Variants in RALGAPA1 observed in about 807,000 individuals in gnomAD.
RALGAPA1 encodes ral GTPase-activating protein subunit alpha-1.
In RALGAPA1, 52 loss-of-function variants were observed where a neutral mutation model predicts 269.6. The ratio of observed to expected loss-of-function variants is 0.19; its 90% CI spans 0.15 to 0.24. The LOEUF (loss-of-function observed/expected upper bound fraction) is 0.24, where lower values mean the gene tolerates loss of function less well. Among genes scored for constraint, RALGAPA1 ranks in the 10% least tolerant of loss-of-function variants. RALGAPA1 has a pLI of 1.00. For missense variants in RALGAPA1, 1,917 were observed against 3,013.9 expected (o/e 0.64, Z 8.52); for synonymous variants, 817 against 1,008.3 (o/e 0.81, Z 3.60).
intron 37 of RALGAPA1, among the ~76,000 whole-genome samples, chr14:35,588,211 G>C (rs1309320802): frequency 6.6e-6 from 1 of 152,230 alleles, no homozygotes; most frequent in Admixed American, 6.5e-5. Context: ...TTACAGGCGT[G>C]AGCCATCGCT....
rs186217235 is a variant in RALGAPA1 at position 35,726,280 on chromosome 14, T to C, written c.1737-1127A>G. Among the ~76,000 whole-genome samples the C allele has an allele frequency of 1.7e-3, 258 of 152,326 alleles. 1 individual carries two copies. Among genetic ancestry groups the C allele is most frequent in the Non-Finnish European group, 2.4e-3 (161 of 68,026 alleles). On this transcript the variant is annotated intron_variant, in intron 13 of 41. Transcript: ENST00000680220. ...ATTAGCAAACAAATGCATGCATTTATTCACGGAATAAAAATCAAAGGTGCC... is the reference window on the plus strand; with the variant it reads ...ATTAGCAAACAAATGCATGCATTTACTCACGGAATAAAAATCAAAGGTGCC...
At chr14:35,624,646 C>T (rs1028674587) in intron 35 of RALGAPA1, among the ~76,000 whole-genome samples, 2 of 151,662 alleles carry the variant, frequency 1.3e-5, no homozygotes, top group African/African-American at 4.8e-5. Context: ...AACGATGGCT[C>T]AATACAGAAA....
intron 28 of RALGAPA1, among the ~76,000 whole-genome samples, chr14:35,656,359 T>C (rs1178582706): frequency 6.6e-6 from 1 of 152,222 alleles, no homozygotes. Context: ...CTACAAATTG[T>C]TTTAAAACAA....
intron 16 of RALGAPA1, among the ~76,000 whole-genome samples, chr14:35,701,881 T>C (rs1422755314): frequency 5.3e-5 from 8 of 152,088 alleles, no homozygotes; most frequent in Non-Finnish European, 1.0e-4. Flanking sequence ...ACTCCTGTGC[T>C]CAAGCGACCC....
intron 31 of RALGAPA1, among the ~76,000 whole-genome samples, chr14:35,643,388 G>C (rs1203525630): frequency 6.6e-6 from 1 of 152,114 alleles, no homozygotes; most frequent in African/African-American, 2.4e-5. Context: ...GGCAATAAAT[G>C]CTGGCGAGGA....
intron 20 of RALGAPA1, 140 bp downstream of exon 20, chr14:35,684,789 C>A: frequency 1.2e-6 from 1 of 829,530 alleles, no homozygotes; most frequent in Non-Finnish European, 1.8e-6. Context: ...GACCAAATAT[C>A]TAATTTTTTT....
At position 35,728,574 on chromosome 14, in the gene RALGAPA1, G is replaced by C. The variant is rs116058197; in HGVS notation, c.1588-64C>G. On this transcript the variant is annotated intron_variant, in intron 12 of 41. Coordinates refer to ENST00000680220, the MANE Select transcript of RALGAPA1 (RefSeq NM_001346249.2). Reference sequence around the variant, plus strand: ...TTCAATGGCAAATTTCTTATTCAAAGAGAAACAGACACTGATCACACTGTG... The same window carrying C: ...TTCAATGGCAAATTTCTTATTCAAACAGAAACAGACACTGATCACACTGTG... 1,383 of 1,497,588 alleles carry C rather than the reference G, an allele frequency of 9.2e-4. 17 individuals are homozygous for C. In the African/African-American group the frequency reaches 0.017, roughly 19 times the overall value. 92.8% of individuals were successfully genotyped at this position (1,497,588 alleles called of 1,614,324 possible).
At chr14:35,770,911 C>G (rs762071997) in intron 4 of RALGAPA1, 31 bp downstream of exon 4, 4 of 929,714 alleles carry the variant, frequency 4.3e-6, no homozygotes, top group Non-Finnish European at 6.4e-6. Context: ...TCCTTTGTTT[C>G]AAATATGAAA....
chr14:35,629,009 A>T (rs1354924361), intron 33 of RALGAPA1, among the ~76,000 whole-genome samples: 1 of 152,146 alleles, frequency 6.6e-6, no homozygotes, highest in Non-Finnish European at 1.5e-5. Context: ...GAGGGGGAGA[A>T]GGAAGAAGGG....
intron 37 of RALGAPA1, among the ~76,000 whole-genome samples, chr14:35,573,405 C>A (rs897535292): frequency 1.3e-5 from 2 of 152,068 alleles, no homozygotes; most frequent in Non-Finnish European, 2.9e-5. Flanking sequence ...TATACTAGTA[C>A]GTTTATTGAT....
At chr14:35,797,125 C>T (rs1286860598) in intron 1 of RALGAPA1, among the ~76,000 whole-genome samples, 3 of 150,858 alleles carry the variant, frequency 2.0e-5, no homozygotes, top group African/African-American at 4.9e-5. Context: ...GAGGCCGAGG[C>T]AGGCAGATCA....
chr14:35,691,351 A>G (rs1394931285), intron 17 of RALGAPA1, among the ~76,000 whole-genome samples: 4 of 152,116 alleles, frequency 2.6e-5, no homozygotes, highest in Non-Finnish European at 5.9e-5. Context: ...TGAATCCATC[A>G]TGGTCTGTAA....
chr14:35,761,264 T>C (rs2073676421), intron 5 of RALGAPA1, among the ~76,000 whole-genome samples: 1 of 152,184 alleles, frequency 6.6e-6, no homozygotes, highest in African/African-American at 2.4e-5. Flanking sequence ...ATTCTGTAAG[T>C]TCCATTTATA....
intron 11 of RALGAPA1, 72 bp from the exon 12 acceptor site, chr14:35,738,722 G>C: frequency 7.8e-7 from 1 of 1,285,838 alleles, no homozygotes; most frequent in East Asian, 2.4e-5. Flanking sequence ...AGTTGAAAAG[G>C]TAAATGAAAT....
intron 1 of RALGAPA1, among the ~76,000 whole-genome samples, chr14:35,808,185 A>G (rs2077507356): frequency 6.6e-6 from 1 of 152,188 alleles, no homozygotes; most frequent in Non-Finnish European, 1.5e-5. Flanking sequence ...AACTACCTAT[A>G]ATAGTTCTCC....
chr14:35,765,982 G>C (rs1460624781), intron 4 of RALGAPA1: 50 of 1,402,130 alleles, frequency 3.6e-5, no homozygotes, highest in Non-Finnish European at 4.7e-5. Flanking sequence ...AAACAATATA[G>C]AGAAAAGAGG....
chr14:35,808,595 T>A, intron 1 of RALGAPA1, 135 bp downstream of exon 1: 1 of 868,656 alleles, frequency 1.2e-6, no homozygotes, highest in Non-Finnish European at 1.8e-6. Flanking sequence ...TTATTCACCC[T>A]CCCGCGTCTC....
chr14:35,782,497 G>A (rs796122103), intron 1 of RALGAPA1, among the ~76,000 whole-genome samples: 5 of 151,914 alleles, frequency 3.3e-5, no homozygotes, highest in African/African-American at 9.7e-5. Flanking sequence ...GCTCAATCTC[G>A]ATCTCGGCTC....
chr14:35,680,927 A>G (rs1595115714), intron 21 of RALGAPA1, among the ~76,000 whole-genome samples: 1 of 152,074 alleles, frequency 6.6e-6, no homozygotes, highest in African/African-American at 2.4e-5. Context: ...TTTATTTTTA[A>G]AAATCTATAA....
Sources: gnomAD v4.1 joint callset for allele counts (sites outside exome capture counted in the v4.1 genomes callset) on GRCh38, gnomAD v4.1.1 for gene constraint, MANE v1.5 for transcripts, NCBI Gene and HGNC (gene_info 2026-07-23, HGNC 2026-07-21) for gene names.